Variants in SVOPL observed in about 807,000 individuals in gnomAD.
SVOPL encodes SVOP like.
SVOPL carries 60 observed loss-of-function variants against 61.0 expected under a neutral mutation model. The observed-to-expected ratio is 0.98, with a 90% CI of 0.80 to 1.22. The LOEUF (loss-of-function observed/expected upper bound fraction) is 1.22. Among genes scored for constraint, SVOPL ranks in the 50% most tolerant of loss-of-function variants. The pLI is 0.00. For missense variants in SVOPL, 662 were observed against 643.9 expected, an observed-to-expected ratio of 1.03 and a Z score of -0.30; for synonymous variants, 279 against 250.0, an observed-to-expected ratio of 1.12 and a Z score of -1.09.
chr7:138,682,926 C>T (rs1802729164), intron 1 of SVOPL, among the ~76,000 whole-genome samples: 1 of 140,776 alleles, frequency 7.1e-6, no homozygotes, highest in African/African-American at 2.9e-5. Flanking sequence ...AGCGATCAAG[C>T]CATTGCACCC....
At chr7:138,640,024 G>GT (rs1554464205) in intron 9 of SVOPL, among the ~76,000 whole-genome samples, 1 of 151,840 alleles carries the variant, frequency 6.6e-6, no homozygotes, top group Non-Finnish European at 1.5e-5. Context: ...CCAAAGTGCT[G>GT]GGATTACAGG....
intron 6 of SVOPL, among the ~76,000 whole-genome samples, chr7:138,657,793 C>A (rs991828324): frequency 6.6e-6 from 1 of 152,116 alleles, no homozygotes; most frequent in African/African-American, 2.4e-5. Context: ...TAATTAGGTG[C>A]TTTGACATCT....
chr7:138,611,895 T>C (rs866789538), intron 14 of SVOPL, among the ~76,000 whole-genome samples: 16 of 36,312 alleles, frequency 4.4e-4, no homozygotes, highest in South Asian at 8.5e-4. Flanking sequence ...CTGGGAGGTG[T>C]GCCCAACAGC....
intron 14 of SVOPL, among the ~76,000 whole-genome samples, chr7:138,603,955 C>CTTTT (rs560678707): frequency 4.0e-4 from 44 of 109,226 alleles, no homozygotes; most frequent in Non-Finnish European, 6.2e-4. Flanking sequence ...TTAATTTATT[C>CTTTT]TTTTTTTTTT....
At chr7:138,659,375 C>T (rs898624914) in intron 6 of SVOPL, among the ~76,000 whole-genome samples, 1 of 152,040 alleles carries the variant, frequency 6.6e-6, no homozygotes, top group Non-Finnish European at 1.5e-5. Flanking sequence ...CATCTGTAAT[C>T]CCAGCTACTT....
intron 8 of SVOPL, among the ~76,000 whole-genome samples, chr7:138,648,533 C>CAAAAAA (rs61171485): frequency 4.1e-5 from 3 of 73,792 alleles, no homozygotes; most frequent in African/African-American, 8.4e-5. Flanking sequence ...ACTAAAAATC[C>CAAAAAA]AAAAAAAAAA....
In SVOPL at chr7:138,672,642, T is replaced by G. The variant is rs572138532; in HGVS notation, c.175-525A>C. Reference sequence around the variant, plus strand: ...ATATGAGTTCATCAGCAGGAAAGTGTTTTTTTTTGTGTTTAAAAAAAAAAA... The same window carrying G: ...ATATGAGTTCATCAGCAGGAAAGTGGTTTTTTTTGTGTTTAAAAAAAAAAA... On this transcript the variant is annotated intron_variant, in intron 3 of 15. Transcript: ENST00000674285. Among the ~76,000 whole-genome samples, 38 of 71,358 alleles carry G rather than the reference T, an allele frequency of 5.3e-4. No homozygotes were observed. In the South Asian group the frequency reaches 0.012, roughly 22 times the overall value. The allele number at this position is 71,358 out of a possible 152,430, so 46.8% of individuals were successfully genotyped here.
chr7:138,661,469 A>G (rs1584851094), intron 5 of SVOPL: 1 of 981,906 alleles, frequency 1.0e-6, no homozygotes, highest in East Asian at 1.1e-4. Flanking sequence ...ACACAGGAGC[A>G]TGCGACTCCG....
At chr7:138,666,256 C>A (rs1314964943) in intron 4 of SVOPL, among the ~76,000 whole-genome samples, 1 of 152,260 alleles carries the variant, frequency 6.6e-6, no homozygotes, top group Non-Finnish European at 1.5e-5. Flanking sequence ...AATCACCTAT[C>A]ATTCCTTTCC....
chr7:138,689,200 A>T, intron 1 of SVOPL: 2 of 1,310,620 alleles, frequency 1.5e-6, no homozygotes, highest in Non-Finnish European at 2.2e-6. Flanking sequence ...GCCCAGGCCA[A>T]GCAGTGGGGC....
intron 14 of SVOPL, among the ~76,000 whole-genome samples, chr7:138,601,450 G>C (rs369461864): frequency 6.6e-6 from 1 of 152,012 alleles, no homozygotes; most frequent in South Asian, 2.1e-4. Context: ...AATGCCATTT[G>C]CAACAACATG....
At chr7:138,652,352 C>T (rs575452895) in intron 7 of SVOPL, among the ~76,000 whole-genome samples, 55 of 151,788 alleles carry the variant, frequency 3.6e-4, no homozygotes, top group African/African-American at 1.3e-3. Context: ...GTGTCTGGCC[C>T]GATTTTTTGA....
chr7:138,600,657 G>T (rs1798476455), intron 14 of SVOPL, among the ~76,000 whole-genome samples: 1 of 152,004 alleles, frequency 6.6e-6, no homozygotes, highest in Non-Finnish European at 1.5e-5. Flanking sequence ...ACGGATGCTT[G>T]TTTAACAATG....
intron 14 of SVOPL, among the ~76,000 whole-genome samples, chr7:138,620,120 TTTTG>T (rs1329476525): frequency 4.6e-5 from 5 of 108,272 alleles, no homozygotes; most frequent in South Asian, 3.2e-4. Flanking sequence ...TTTTTTTCTG[TTTTG>T]TTTTTTTTTT....
At chr7:138,648,787 T>C (rs1584831655) in intron 8 of SVOPL, among the ~76,000 whole-genome samples, 2 of 150,296 alleles carry the variant, frequency 1.3e-5, no homozygotes, top group Admixed American at 1.3e-4. Context: ...CTGGGTATGG[T>C]GGCACATGAC....
chr7:138,658,293 C>T (rs79506521), intron 6 of SVOPL, among the ~76,000 whole-genome samples: 2 of 152,112 alleles, frequency 1.3e-5, no homozygotes, highest in African/African-American at 2.4e-5. Flanking sequence ...ATTCCCCCCC[C>T]TCCCTTTTAC....
intron 14 of SVOPL, among the ~76,000 whole-genome samples, chr7:138,609,719 T>TGGGG (rs755165258): frequency 1.8e-5 from 1 of 55,014 alleles, no homozygotes; most frequent in Admixed American, 1.7e-4. Flanking sequence ...GTTTTTTTTT[T>TGGGG]GGGGGGGGTG....
At chr7:138,608,551 C>T (rs1360777122) in intron 14 of SVOPL, among the ~76,000 whole-genome samples, 1 of 152,144 alleles carries the variant, frequency 6.6e-6, no homozygotes, top group Non-Finnish European at 1.5e-5. Flanking sequence ...CAACAGACGC[C>T]CACGGCCTGG....
chr7:138,617,485 T>C (rs1799352797), intron 14 of SVOPL, among the ~76,000 whole-genome samples: 1 of 152,198 alleles, frequency 6.6e-6, no homozygotes, highest in African/African-American at 2.4e-5. Context: ...TCCTCCCTAT[T>C]GATAGCTGTG....
Sources: allele counts gnomAD v4.1 joint callset (sites outside exome capture counted in the v4.1 genomes callset), GRCh38; gene constraint gnomAD v4.1.1; transcripts MANE v1.5; gene names NCBI Gene and HGNC (gene_info 2026-07-23, HGNC 2026-07-21).